The following ZDBF2 variants were observed in gnomAD, a reference collection of about 807,000 sequenced individuals.
The protein encoded by ZDBF2 is DBF4-type zinc finger-containing protein 2.
In ZDBF2, 6 loss-of-function variants were observed where a neutral mutation model predicts 9.4. The observed-to-expected ratio is 0.64, with a 90% CI of 0.35 to 1.27. The LOEUF is 1.27. ZDBF2 is among the 50% of genes most tolerant of loss of function. ZDBF2 has a pLI of 0.03. For missense variants in ZDBF2, 2,697 were observed against 2,766.8 expected, an observed-to-expected ratio of 0.97 and a Z score of 0.57; for synonymous variants, 905 against 946.3, an observed-to-expected ratio of 0.96 and a Z score of 0.80.
intron 3 of ZDBF2, chr2:206,291,955 G>A (rs1691920773): frequency 2.5e-6 from 1 of 396,662 alleles, no homozygotes. Flanking sequence ...CTTTTAATAA[G>A]GAAGGTGAAA....
intron 3 of ZDBF2, among the ~76,000 whole-genome samples, chr2:206,285,035 T>C (rs962976523): frequency 6.6e-6 from 1 of 152,160 alleles, no homozygotes; most frequent in Non-Finnish European, 1.5e-5. Flanking sequence ...GGCCCCTTTT[T>C]TCTTTTATCT....
intron 1 of ZDBF2, among the ~76,000 whole-genome samples, chr2:206,277,249 AT>A (rs1195046981): frequency 6.6e-6 from 1 of 151,666 alleles, no homozygotes; most frequent in Non-Finnish European, 1.5e-5. Flanking sequence ...TTTCAGAAAT[AT>A]TTTTATCCAT....
chr2:206,290,812 T>C (rs1301032211), intron 3 of ZDBF2, among the ~76,000 whole-genome samples: 4 of 152,212 alleles, frequency 2.6e-5, no homozygotes, highest in Non-Finnish European at 5.9e-5. Flanking sequence ...ACTACTTTTT[T>C]CCCCAATCTG....
intron 4 of ZDBF2, among the ~76,000 whole-genome samples, chr2:206,301,916 AT>A (rs1453597778): frequency 6.7e-6 from 1 of 150,176 alleles, no homozygotes. Context: ...TGATGTTTTT[AT>A]TTTGGCCATA....
intron 3 of ZDBF2, among the ~76,000 whole-genome samples, chr2:206,287,997 C>T (rs1255220773): frequency 6.6e-6 from 1 of 151,712 alleles, no homozygotes; most frequent in Non-Finnish European, 1.5e-5. Context: ...TATATATTTT[C>T]TTGTCTCTCA....
At position 206,307,975 on chromosome 2, in the gene ZDBF2, A is replaced by G; in HGVS notation, c.3447A>G (p.Glu1149=). The change falls in exon 5 of 5, where the codon GAA becomes GAG. Residue 1149 remains glutamate (E), a synonymous_variant. Transcript: ENST00000374423. ...NLGNENHMYL[E]VKNSQYSCSE... Reference sequence around the variant, plus strand: ...GGAATGAAAACCATATGTACTTGGAAGTTAAGAACAGCCAATATAGTTGTT... The same window carrying G: ...GGAATGAAAACCATATGTACTTGGAGGTTAAGAACAGCCAATATAGTTGTT... 1 of 1,613,768 alleles carries G rather than the reference A, an allele frequency of 6.2e-7. No homozygotes were observed. The highest frequency in any genetic ancestry group is 8.5e-7 in the Non-Finnish European group (1 of 1,179,812).
chr2:206,306,639 C>T lies in ZDBF2; in HGVS notation c.2111C>T (p.Ser704Phe), dbSNP rs1692817821. 6.2e-7 allele frequency: 1 copy of T among 1,613,766 alleles called. No individual in the cohort carries two copies. Among genetic ancestry groups the T allele is most frequent in the South Asian group, 1.1e-5 (1 of 91,076 alleles). ...AATAAGAGTGTTCAGTCTAGCCGTT[C>T]TTCTCTGAGTTCTGATTCTCCGGCT... ...LENKSVQSSRSSLSSDSPASL... is the reference protein window; with the variant it reads ...LENKSVQSSRFSLSSDSPASL... Residue 704 changes from serine (S) to phenylalanine (F), a missense_variant, in exon 5 of 5, where the codon TCT (serine) becomes TTT (phenylalanine). By Grantham distance (155) the Ser-to-Phe change is radical (BLOSUM62 -2). Around this residue, in one of 3 missense-constraint regions of ZDBF2, gnomAD observed 910 missense variants for 973.6 expected, o/e 0.93. Transcript: ENST00000374423.
At chr2:206,295,363 C>CTTTTTTTTTTTTTTTTTTTTTTTTTTTTT (rs571707187) in intron 3 of ZDBF2, among the ~76,000 whole-genome samples, 1 of 110,982 alleles carries the variant, frequency 9.0e-6, no homozygotes, top group Non-Finnish European at 1.8e-5. Context: ...CTTTTCTTTT[C>CTTTTTTTTTTTTTTTTTTTTTTTTTTTTT]TTTTTTTTTT....
chr2:206,278,458 C>T (rs1423502001), intron 1 of ZDBF2, among the ~76,000 whole-genome samples: 1 of 152,030 alleles, frequency 6.6e-6, no homozygotes, highest in East Asian at 1.9e-4. Context: ...CTTAAAGCAC[C>T]CTCAAGAATA....
intron 2 of ZDBF2, among the ~76,000 whole-genome samples, chr2:206,281,117 A>C (rs1691294344): frequency 1.3e-5 from 2 of 152,218 alleles, no homozygotes; most frequent in Admixed American, 6.5e-5. Flanking sequence ...GGAACCATGC[A>C]GTATGTAATG....
chr2:206,289,508 A>G (rs372712405), intron 3 of ZDBF2, among the ~76,000 whole-genome samples: 2 of 152,214 alleles, frequency 1.3e-5, no homozygotes, highest in African/African-American at 4.8e-5. Flanking sequence ...GGAAGGGTTT[A>G]ACCACTGTTT....
chr2:206,310,690 G>A lies in ZDBF2; in HGVS notation c.6162G>A (p.Glu2054=). 1 of 1,613,084 alleles carries A rather than the reference G, an allele frequency of 6.2e-7. No homozygotes were observed. Among genetic ancestry groups the A allele is most frequent in the East Asian group, 2.2e-5 (1 of 44,874 alleles). The change falls in exon 5 of 5, where the codon GAG becomes GAA. Residue 2054 remains glutamate, a synonymous_variant. Transcript: ENST00000374423. ...KYKRNIFDYY[E]PLIKQIVISP... is the part of the protein sequence containing the mutation. ...AACGGAATATCTTTGATTATTATGAGCCCTTGATTAAGCAAATTGTAATTA... is the reference window on the plus strand; with the variant it reads ...AACGGAATATCTTTGATTATTATGAACCCTTGATTAAGCAAATTGTAATTA...
At chr2:206,275,606 A>G (rs1690951780) in intron 1 of ZDBF2, among the ~76,000 whole-genome samples, 3 of 152,146 alleles carry the variant, frequency 2.0e-5, no homozygotes, top group Admixed American at 1.3e-4. Flanking sequence ...TCGTGAAAAA[A>G]ATGCATAACA....
chr2:206,287,143 C>T (rs1337224909), intron 3 of ZDBF2, among the ~76,000 whole-genome samples: 2 of 152,142 alleles, frequency 1.3e-5, no homozygotes, highest in African/African-American at 4.8e-5. Context: ...TCTCTTTCTC[C>T]TTTGCATGTC....
intron 3 of ZDBF2, among the ~76,000 whole-genome samples, chr2:206,293,851 G>C (rs1332048358): frequency 6.6e-6 from 1 of 152,090 alleles, no homozygotes; most frequent in East Asian, 1.9e-4. Flanking sequence ...TACTAAAGCT[G>C]AACATATGCA....
chr2:206,282,480 A>G (rs912896825), intron 3 of ZDBF2, among the ~76,000 whole-genome samples: 1 of 152,136 alleles, frequency 6.6e-6, no homozygotes, highest in East Asian at 1.9e-4. Context: ...ACATGGGTAT[A>G]TTGCATACCT....
chr2:206,309,716 T>C lies in ZDBF2; in HGVS notation c.5188T>C (p.Ser1730Pro). ...LHRRADKKKR[S>P]KLKHRDLEVS... Reference sequence around the variant, plus strand: ...TCGAAGGGCTGATAAAAAAAAACGTTCGAAGCTAAAACATAGAGATCTAGA... The same window carrying C: ...TCGAAGGGCTGATAAAAAAAAACGTCCGAAGCTAAAACATAGAGATCTAGA... Residue 1730 changes from serine (S) to proline (P), a missense_variant, in exon 5 of 5, where the codon TCG becomes CCG. Ser to Pro is a moderately conservative substitution (Grantham distance 74, BLOSUM62 -1). Around this residue, in one of 3 missense-constraint regions of ZDBF2, gnomAD observed 1,783 missense variants for 1,776.5 expected, o/e 1.00. Transcript: ENST00000374423. 6.2e-7 allele frequency: 1 copy of C among 1,613,830 alleles called. No homozygotes were observed. Among genetic ancestry groups the C allele is most frequent in the East Asian group, 2.2e-5 (1 of 44,880 alleles).
Position 206,304,832 on chromosome 2 carries a change from G to A in ZDBF2, c.304G>A (p.Ala102Thr). 1.2e-6 allele frequency: 2 copies of A among 1,613,746 alleles called. No homozygotes were observed. Among genetic ancestry groups the A allele is most frequent in the Non-Finnish European group, 1.7e-6 (2 of 1,179,774 alleles). Residue 102 changes from alanine (A) to threonine (T), a missense_variant, in exon 5 of 5, where the codon GCT (alanine) becomes ACT (threonine). Ala to Thr is a moderately conservative substitution (Grantham distance 58). This residue lies in a region of ZDBF2 where 910 missense variants were observed against 973.6 expected (regional missense o/e 0.93). Coordinates refer to ENST00000374423, the MANE Select transcript of ZDBF2 (RefSeq NM_020923.3). Reference sequence around the variant, plus strand: ...TGAGGATAAGGTTGAGGATGAGGATGCTACCGAAGAGAGACCATCCGAGGT... The same window carrying A: ...TGAGGATAAGGTTGAGGATGAGGATACTACCGAAGAGAGACCATCCGAGGT... The part of the protein sequence containing the change: ...EDEDKVEDED[A>T]TEERPSEVSE...
Position 206,310,751 on chromosome 2 carries a change from A to G in ZDBF2, c.6223A>G (p.Arg2075Gly), listed in dbSNP as rs746652078. The G allele has an allele frequency of 4.3e-6, 7 of 1,613,788 alleles. No homozygotes were observed. In the East Asian group the frequency reaches 1.6e-4, roughly 36 times the overall value. ...PLSVIVPEFE[R>G]RNWVKIHFNR... ...GAGTGTAATAGTACCAGAGTTTGAG[A>G]GGCGTAACTGGGTTAAAATTCATTT... The change falls in exon 5 of 5, where the codon AGG becomes GGG. Residue 2075 changes from arginine to glycine, a missense_variant. By Grantham distance (125) the Arg-to-Gly change is moderately radical (BLOSUM62 -2). Around this residue, in one of 3 missense-constraint regions of ZDBF2, gnomAD observed 1,783 missense variants for 1,776.5 expected, o/e 1.00. Transcript: ENST00000374423.
Sources: allele counts gnomAD v4.1 joint callset (sites outside exome capture counted in the v4.1 genomes callset), GRCh38; gene constraint gnomAD v4.1.1; regional missense constraint gnomAD v4.1.1; transcripts MANE v1.5; gene names NCBI Gene and HGNC (gene_info 2026-07-23, HGNC 2026-07-21).